The following MARCHF1 variants were observed in gnomAD, a reference collection of about 807,000 sequenced individuals.
MARCHF1 encodes the protein E3 ubiquitin-protein ligase MARCHF1.
A neutral mutation model predicts 54.2 loss-of-function variants in MARCHF1; 40 were observed. The ratio of observed to expected loss-of-function variants is 0.74; its 90% CI spans 0.57 to 0.96. The LOEUF (loss-of-function observed/expected upper bound fraction) is 0.96, where lower values mean the gene tolerates loss of function less well. MARCHF1 is among the 40% of genes least tolerant of loss of function. The pLI is 0.00. For synonymous variants in MARCHF1, 236 were observed against 236.3 expected (o/e 1.00, Z 0.01); for missense variants, 586 against 656.5 (o/e 0.89, Z 1.17).
In MARCHF1 at chr4:163,616,909, G is replaced by A. The variant is rs961218895; in HGVS notation, c.163-3516C>T. ...TGATCCAGCAATCCCACTATACTGGGTATTTATTCAAATAAAAGGAAACCA... is the reference window on the plus strand; with the variant it reads ...TGATCCAGCAATCCCACTATACTGGATATTTATTCAAATAAAAGGAAACCA... On this transcript the variant is annotated intron_variant, in intron 5 of 9. Coordinates refer to ENST00000514618, the MANE Select transcript of MARCHF1 (RefSeq NM_001394959.1). Among the ~76,000 whole-genome samples, 3 of 151,996 alleles carry A rather than the reference G, an allele frequency of 2.0e-5. 1 individual carries two copies. The South Asian group carries it at 6.2e-4, about 31-fold the overall frequency.
At chr4:164,065,141 G>C (rs1754700173) in intron 2 of MARCHF1, among the ~76,000 whole-genome samples, 1 of 152,092 alleles carries the variant, frequency 6.6e-6, no homozygotes, top group Non-Finnish European at 1.5e-5. Context: ...CCTGGTTTTG[G>C]TATCAGGATG....
intron 5 of MARCHF1, among the ~76,000 whole-genome samples, chr4:163,662,581 G>T (rs530579982): frequency 8.1e-4 from 123 of 151,818 alleles, no homozygotes; most frequent in Non-Finnish European, 7.5e-4. Flanking sequence ...CTCTAAGTCC[G>T]TCTGTTACCA....
Position 164,186,534 on chromosome 4 carries a change from T to C in MARCHF1, c.-322-74872A>G, listed in dbSNP as rs901708941. On this transcript the variant is annotated intron_variant, in intron 1 of 9. Coordinates refer to ENST00000514618, the MANE Select transcript of MARCHF1 (RefSeq NM_001394959.1). ...TTGGAAGGGTGACTTTTGTGTTATC[T>C]GACCCTACTGTTCCATTCTTAAAAG... Among the ~76,000 whole-genome samples, 27 of 152,322 alleles carry C rather than the reference T, an allele frequency of 1.8e-4. 1 individual carries two copies. The highest frequency in any genetic ancestry group is 6.5e-4 in the African/African-American group (27 of 41,590).
intron 5 of MARCHF1, among the ~76,000 whole-genome samples, chr4:163,654,727 T>A (rs1166137726): frequency 6.6e-6 from 1 of 151,664 alleles, no homozygotes; most frequent in Non-Finnish European, 1.5e-5. Context: ...TTACTTTCGA[T>A]CATCAGTGTC....
intron 7 of MARCHF1, among the ~76,000 whole-genome samples, chr4:163,592,764 C>T (rs1194294820): frequency 1.3e-5 from 2 of 151,964 alleles, no homozygotes; most frequent in South Asian, 4.2e-4. Flanking sequence ...CTGAGGATTC[C>T]CACTGAGATT....
intron 8 of MARCHF1, among the ~76,000 whole-genome samples, chr4:163,557,568 C>G (rs1262193940): frequency 6.6e-6 from 1 of 152,136 alleles, no homozygotes; most frequent in Non-Finnish European, 1.5e-5. Context: ...TTTTCACATT[C>G]TAGAACAGTT....
intron 7 of MARCHF1, 64 bp from the exon 8 acceptor site, chr4:163,585,993 C>A: frequency 6.9e-7 from 1 of 1,439,792 alleles, no homozygotes. Context: ...TGTGTTATTT[C>A]TGCCCTTGCT....
chr4:164,210,675 T>G (rs1731738603), intron 1 of MARCHF1, among the ~76,000 whole-genome samples: 1 of 152,052 alleles, frequency 6.6e-6, no homozygotes, highest in East Asian at 1.9e-4. Flanking sequence ...CCTCAATATG[T>G]AGGAGTTATA....
intron 1 of MARCHF1, among the ~76,000 whole-genome samples, chr4:164,366,888 T>G (rs897929543): frequency 1.3e-5 from 2 of 149,390 alleles, no homozygotes; most frequent in African/African-American, 4.9e-5. Context: ...TCAAAATAAT[T>G]TACTCATTAT....
At chr4:163,663,240 A>G (rs1743411659) in intron 5 of MARCHF1, among the ~76,000 whole-genome samples, 2 of 131,140 alleles carry the variant, frequency 1.5e-5, no homozygotes, top group African/African-American at 6.1e-5. Flanking sequence ...TTTTTTTTAG[A>G]TTTAGGGCTG....
At chr4:164,003,170 A>G (rs954474098) in intron 2 of MARCHF1, among the ~76,000 whole-genome samples, 1 of 151,994 alleles carries the variant, frequency 6.6e-6, no homozygotes, top group Non-Finnish European at 1.5e-5. Flanking sequence ...TAATATTTAA[A>G]TAACGGAAAT....
intron 1 of MARCHF1, among the ~76,000 whole-genome samples, chr4:164,166,345 C>T (rs114722108): frequency 6.6e-6 from 1 of 151,912 alleles, no homozygotes; most frequent in Non-Finnish European, 1.5e-5. Context: ...TAGTTAAAGG[C>T]TTTTCATTAT....
intron 4 of MARCHF1, among the ~76,000 whole-genome samples, chr4:163,736,714 A>AGAT (rs1294949250): frequency 6.6e-6 from 1 of 152,198 alleles, no homozygotes; most frequent in African/African-American, 2.4e-5. Context: ...AAATAAATGT[A>AGAT]GATGACATGA....
chr4:163,783,059 A>G (rs1011381831), intron 4 of MARCHF1, among the ~76,000 whole-genome samples: 1 of 152,238 alleles, frequency 6.6e-6, no homozygotes, highest in Non-Finnish European at 1.5e-5. Context: ...TCAGAAATAT[A>G]AATGATTTAA....
chr4:163,614,328 A>G (rs781312413), intron 5 of MARCHF1, among the ~76,000 whole-genome samples: 2 of 152,126 alleles, frequency 1.3e-5, no homozygotes, highest in African/African-American at 4.8e-5. Flanking sequence ...AGTAAATACT[A>G]TAATTACATA....
intron 4 of MARCHF1, among the ~76,000 whole-genome samples, chr4:163,721,156 G>C (rs1270438580): frequency 1.3e-5 from 2 of 152,172 alleles, no homozygotes; most frequent in African/African-American, 4.8e-5. Context: ...TATGATACTG[G>C]CTGCGTGTTT....
At chr4:164,198,516 G>A (rs1237644772) in intron 1 of MARCHF1, among the ~76,000 whole-genome samples, 1 of 152,196 alleles carries the variant, frequency 6.6e-6, no homozygotes, top group Non-Finnish European at 1.5e-5. Context: ...GCAGGTACTA[G>A]TCCTATGTCC....
At chr4:163,739,568 C>T (rs17044075) in intron 4 of MARCHF1, among the ~76,000 whole-genome samples, 5,834 of 152,078 alleles carry the variant, frequency 0.038, 170 homozygotes, top group East Asian at 0.077. Flanking sequence ...TCAAAAATAC[C>T]CTCCTCTTAC....
intron 4 of MARCHF1, among the ~76,000 whole-genome samples, chr4:163,786,045 G>T (rs574523510): frequency 6.6e-6 from 1 of 152,004 alleles, no homozygotes; most frequent in South Asian, 2.1e-4. Flanking sequence ...AGGAAATGTG[G>T]GTAGCCTCAA....
Sources: gnomAD v4.1 joint callset for allele counts (sites outside exome capture counted in the v4.1 genomes callset) on GRCh38, gnomAD v4.1.1 for gene constraint, MANE v1.5 for transcripts, NCBI Gene and HGNC (gene_info 2026-07-23, HGNC 2026-07-21) for gene names.